CD59: variants seen among roughly 807,000 people sequenced by gnomAD.
The protein encoded by CD59 is CD59 molecule (CD59 blood group), also known as CD59 glycoprotein.
Under a neutral mutation model 7.0 loss-of-function variants are expected in CD59, and 3 were observed. The observed-to-expected ratio is 0.43, with a 90% confidence interval of 0.19 to 1.10. The LOEUF is 1.10. Among genes scored for constraint, CD59 ranks in the 50% least tolerant of loss-of-function variants. CD59 has a pLI of 0.29. For synonymous variants in CD59, 60 were observed against 62.0 expected, an observed-to-expected ratio of 0.97 and a Z score of 0.15; for missense variants, 143 against 151.0, an observed-to-expected ratio of 0.95 and a Z score of 0.28.
chr11:33,720,744 C>CAA lies in CD59; in HGVS notation c.67+1633_67+1634dup, dbSNP rs10631432. ...ACTCCATCCCCCTGAAAAAAACAAA[C>CAA]AAAAAAAAACAAGCAATAGGTCAGT... On this transcript the variant is annotated intron_variant, in intron 2 of 3. Coordinates refer to ENST00000642928, the MANE Select transcript of CD59 (RefSeq NM_000611.6). 2.9e-3 allele frequency among the ~76,000 whole-genome samples: 437 copies of CAA among 150,912 alleles called. 1 individual carries two copies. The highest frequency in any genetic ancestry group is 9.8e-3 in the African/African-American group (404 of 41,128).
chr11:33,711,939 C>T (rs889544367), intron 3 of CD59, among the ~76,000 whole-genome samples: 2 of 151,346 alleles, frequency 1.3e-5, no homozygotes, highest in Non-Finnish European at 1.5e-5. Context: ...ATACTCTGGA[C>T]AAATTTGGCA....
chr11:33,734,971 A>T lies in CD59; in HGVS notation c.-19+1411T>A, dbSNP rs181781044. On this transcript the variant is annotated intron_variant, in intron 1 of 3. Transcript: ENST00000642928. ...TCTCCTAAGCCACTCAGCTAATGGG[A>T]TGTTTTTCTTACAGCTAAGTTCAGC... Among the ~76,000 whole-genome samples, 3 of 152,340 alleles carry T rather than the reference A, an allele frequency of 2.0e-5. 1 individual carries two copies. The highest frequency in any genetic ancestry group is 3.9e-4 in the East Asian group (2 of 5,192).
rs1853388352 is a variant in CD59 at position 33,708,135 on chromosome 11, T to A, written c.*1991A>T. 1 of 152,172 alleles carries A rather than the reference T, an allele frequency of 6.6e-6. No individual in the cohort carries two copies. The highest frequency in any genetic ancestry group is 1.5e-5 in the Non-Finnish European group (1 of 68,034). The allele number at this position is 152,172 out of a possible 1,614,324, so 9.4% of individuals were successfully genotyped here. The stretch of plus-strand genomic sequence containing the variant: ...GTTTGCCTAGTACTATAAATGTCTT[T>A]ACATTACAGTATTGCCTTTGGGTCC... On this transcript the variant is annotated 3_prime_UTR_variant, in exon 4 of 4. Coordinates refer to ENST00000642928, the MANE Select transcript of CD59 (RefSeq NM_000611.6).
At chr11:33,721,315 G>C (rs1854050327) in intron 2 of CD59, among the ~76,000 whole-genome samples, 1 of 152,094 alleles carries the variant, frequency 6.6e-6, no homozygotes, top group Non-Finnish European at 1.5e-5. Context: ...GCTGTAATAT[G>C]GGAGGTAACA....
intron 3 of CD59, among the ~76,000 whole-genome samples, chr11:33,713,244 T>C (rs189089133): frequency 3.3e-4 from 50 of 152,334 alleles, no homozygotes; most frequent in African/African-American, 1.1e-3. Context: ...CAAAAATAAC[T>C]GAGTGCCTGT....
At chr11:33,725,700 A>T (rs1854236185) in intron 1 of CD59, among the ~76,000 whole-genome samples, 1 of 152,202 alleles carries the variant, frequency 6.6e-6, no homozygotes, top group Non-Finnish European at 1.5e-5. Flanking sequence ...GCATACAAAC[A>T]TTCTTTAAAA....
At chr11:33,721,645 A>G (rs534181289) in intron 2 of CD59, among the ~76,000 whole-genome samples, 1 of 152,320 alleles carries the variant, frequency 6.6e-6, no homozygotes, top group Admixed American at 6.5e-5. Context: ...GAAGCACACA[A>G]TTTCCTCCAG....
intron 1 of CD59, among the ~76,000 whole-genome samples, chr11:33,730,896 C>T (rs950381526): frequency 3.3e-5 from 5 of 152,046 alleles, no homozygotes; most frequent in Admixed American, 1.3e-4. Context: ...CAGTTGTGGC[C>T]GCCTGCCATT....
chr11:33,720,562 TA>T (rs552654570), intron 2 of CD59, among the ~76,000 whole-genome samples: 17 of 150,072 alleles, frequency 1.1e-4, no homozygotes, highest in African/African-American at 3.2e-4. Flanking sequence ...AAAAAGTAAA[TA>T]AAAAAAAATA....
intron 1 of CD59, among the ~76,000 whole-genome samples, chr11:33,726,660 C>T (rs897895510): frequency 6.6e-6 from 1 of 152,104 alleles, no homozygotes; most frequent in Non-Finnish European, 1.5e-5. Context: ...TAACAGACGA[C>T]AAGAAATAAC....
At chr11:33,727,273 A>G (rs904728884) in intron 1 of CD59, among the ~76,000 whole-genome samples, 2 of 152,208 alleles carry the variant, frequency 1.3e-5, no homozygotes, top group South Asian at 4.1e-4. Flanking sequence ...AAAATCCTCA[A>G]TAAAATACTG....
chr11:33,727,362 T>C (rs1854288391), intron 1 of CD59, among the ~76,000 whole-genome samples: 1 of 152,176 alleles, frequency 6.6e-6, no homozygotes, highest in Non-Finnish European at 1.5e-5. Flanking sequence ...GCAAGGCTGG[T>C]TCAACATATG....
intron 2 of CD59, among the ~76,000 whole-genome samples, chr11:33,720,202 C>T (rs12272807): frequency 0.12 from 17,892 of 152,250 alleles, 1,191 homozygotes; most frequent in East Asian, 0.2. Context: ...GCTCAATTAT[C>T]TTCATCCCCA....
In CD59 at chr11:33,708,484, A is replaced by G. The variant is rs1853405580; in HGVS notation, c.*1642T>C. 9.1e-6 allele frequency: 1 copy of G among 109,778 alleles called. No homozygotes were observed. Among genetic ancestry groups the G allele is most frequent in the Non-Finnish European group, 1.7e-5 (1 of 58,678 alleles). 6.8% of individuals were successfully genotyped at this position (109,778 alleles called of 1,614,324 possible). ...CCCCCCCGCCCCCAAAAAAGTTCCC[A>G]GAAATTCATTTTCTGCTTAAATTCA... is the stretch of plus-strand genomic sequence containing the variant. On this transcript the variant is annotated 3_prime_UTR_variant, in exon 4 of 4. Coordinates refer to ENST00000642928, the MANE Select transcript of CD59 (RefSeq NM_000611.6).
intron 2 of CD59, among the ~76,000 whole-genome samples, chr11:33,721,488 C>T (rs971833168): frequency 6.6e-6 from 1 of 152,170 alleles, no homozygotes; most frequent in African/African-American, 2.4e-5. Flanking sequence ...TTGCCACTTT[C>T]TTTTCTGCTC....
At chr11:33,716,086 A>G (rs1162248149) in intron 3 of CD59, among the ~76,000 whole-genome samples, 2 of 152,172 alleles carry the variant, frequency 1.3e-5, no homozygotes, top group Non-Finnish European at 1.5e-5. Context: ...TTAACAGTGA[A>G]TGAATATGGT....
chr11:33,734,065 A>C (rs943541834), intron 1 of CD59, among the ~76,000 whole-genome samples: 2 of 152,234 alleles, frequency 1.3e-5, no homozygotes, highest in Non-Finnish European at 2.9e-5. Flanking sequence ...AACTCACAAG[A>C]TACCTAGTGT....
chr11:33,732,824 C>T (rs1854457950), intron 1 of CD59, among the ~76,000 whole-genome samples: 1 of 152,160 alleles, frequency 6.6e-6, no homozygotes, highest in South Asian at 2.1e-4. Context: ...ATCCTAACTC[C>T]AGGAACCTGT....
Position 33,715,429 on chromosome 11 carries a change from G to A in CD59, c.169+1941C>T, listed in dbSNP as rs528260682. ...AGCCTGGGCAAAATAGTGAAACCCC[G>A]TCTCTACTAAAAATACAAAAATTAG... On this transcript the variant is annotated intron_variant, in intron 3 of 3. Coordinates refer to ENST00000642928, the MANE Select transcript of CD59 (RefSeq NM_000611.6). 6.6e-5 allele frequency among the ~76,000 whole-genome samples: 10 copies of A among 152,030 alleles called. No homozygotes were observed. In the East Asian group the frequency reaches 7.7e-4, roughly 12 times the overall value.
Sources: allele counts gnomAD v4.1 joint callset (sites outside exome capture counted in the v4.1 genomes callset), GRCh38; gene constraint gnomAD v4.1.1; transcripts MANE v1.5; gene names NCBI Gene and HGNC (gene_info 2026-07-23, HGNC 2026-07-21).